NEK6: variants seen among roughly 807,000 people sequenced by gnomAD.
NEK6 encodes serine/threonine-protein kinase Nek6.
In NEK6, 27 loss-of-function variants were observed where a neutral mutation model predicts 43.5. The ratio of observed to expected loss-of-function variants is 0.62; its 90% CI spans 0.46 to 0.86. The LOEUF is 0.86. NEK6 is among the 40% of genes least tolerant of loss of function. The pLI is 0.00. For missense variants in NEK6, 318 were observed against 414.4 expected (o/e 0.77, Z 2.02); for synonymous variants, 167 against 164.1 (o/e 1.02, Z -0.14).
intron 1 of NEK6, among the ~76,000 whole-genome samples, chr9:124,298,334 C>A (rs1297586234): frequency 1.3e-5 from 2 of 152,256 alleles, no homozygotes; most frequent in Admixed American, 1.3e-4. Flanking sequence ...AACATCAACA[C>A]CTGCCGGCTC....
At chr9:124,320,871 C>T (rs550138939) in intron 4 of NEK6, among the ~76,000 whole-genome samples, 2 of 152,210 alleles carry the variant, frequency 1.3e-5, no homozygotes, top group East Asian at 1.9e-4. Context: ...GTGGGAGGAT[C>T]GCTTGAACCT....
chr9:124,313,835 C>T (rs1035962774), intron 3 of NEK6, 88 bp from the exon 4 acceptor site: 6 of 1,338,508 alleles, frequency 4.5e-6, no homozygotes, highest in African/African-American at 2.9e-5. Context: ...GTGGGAGAGC[C>T]GGGACTGGAA....
At chr9:124,280,595 G>T (rs574143645) in intron 1 of NEK6, among the ~76,000 whole-genome samples, 1 of 152,180 alleles carries the variant, frequency 6.6e-6, no homozygotes, top group Non-Finnish European at 1.5e-5. Flanking sequence ...TTCCAAGCAC[G>T]AGGTGACCAG....
Position 124,320,718 on chromosome 9 carries a change from G to A in NEK6, c.295-741G>A, listed in dbSNP as rs769342433. On this transcript the variant is annotated intron_variant, in intron 4 of 9. Transcript: ENST00000320246. Reference sequence around the variant, plus strand: ...GCTCCACTGCAGCAAACATGCAGGCGGTGGTGCGAAGGACAGAGGCAGCGT... The same window carrying A: ...GCTCCACTGCAGCAAACATGCAGGCAGTGGTGCGAAGGACAGAGGCAGCGT... Among the ~76,000 whole-genome samples, 10 of 152,218 alleles carry A rather than the reference G, an allele frequency of 6.6e-5. 1 individual carries two copies. The highest frequency in any genetic ancestry group is 2.0e-4 in the Admixed American group (3 of 15,278).
At chr9:124,292,926 G>A (rs1249102294) in intron 1 of NEK6, 1 of 1,544,664 alleles carries the variant, frequency 6.5e-7, no homozygotes, top group Admixed American at 2.0e-5. Context: ...AGTCCAGGAA[G>A]GCTGCCTGGA....
intron 1 of NEK6, among the ~76,000 whole-genome samples, chr9:124,294,080 C>G (rs1353139936): frequency 6.6e-6 from 1 of 152,228 alleles, no homozygotes; most frequent in Non-Finnish European, 1.5e-5. Flanking sequence ...AGTGCCAAGA[C>G]TATGGCTGGG....
chr9:124,258,899 GT>G (rs1830916796), intron 1 of NEK6, among the ~76,000 whole-genome samples: 1 of 152,270 alleles, frequency 6.6e-6, no homozygotes. Context: ...CCGAGGACGT[GT>G]GTTTTCCTAA....
intron 1 of NEK6, among the ~76,000 whole-genome samples, chr9:124,281,161 G>C (rs1312447004): frequency 6.6e-6 from 1 of 152,210 alleles, no homozygotes; most frequent in East Asian, 1.9e-4. Flanking sequence ...TGACTGGCCT[G>C]GGGGCCTCTT....
intron 1 of NEK6, among the ~76,000 whole-genome samples, chr9:124,279,044 C>A (rs1831774739): frequency 6.6e-6 from 1 of 152,054 alleles, no homozygotes; most frequent in African/African-American, 2.4e-5. Flanking sequence ...GGCGAAGTTT[C>A]CCAGCAAATA....
At chr9:124,337,297 C>T (rs1829345636) in intron 7 of NEK6, among the ~76,000 whole-genome samples, 2 of 152,332 alleles carry the variant, frequency 1.3e-5, no homozygotes, top group South Asian at 2.1e-4. Context: ...TTGGCGTTTC[C>T]TGCGGGGAGA....
At chr9:124,325,706 C>A (rs939738064) in intron 5 of NEK6, among the ~76,000 whole-genome samples, 2 of 152,244 alleles carry the variant, frequency 1.3e-5, no homozygotes, top group Non-Finnish European at 2.9e-5. Context: ...TGTTTTCTTC[C>A]TGGAGCACTA....
At chr9:124,293,243 CT>C in intron 1 of NEK6, among the ~76,000 whole-genome samples, 1 of 152,332 alleles carries the variant, frequency 6.6e-6, no homozygotes, top group Middle Eastern at 3.4e-3. Flanking sequence ...CATTTAACTT[CT>C]CTGCACCTCA....
At chr9:124,310,297 C>T (rs1833465096) in intron 2 of NEK6, among the ~76,000 whole-genome samples, 1 of 152,240 alleles carries the variant, frequency 6.6e-6, no homozygotes, top group South Asian at 2.1e-4. Flanking sequence ...GCGGTGTCTG[C>T]ACAGAGCCCA....
At chr9:124,285,750 G>T (rs940487011) in intron 1 of NEK6, among the ~76,000 whole-genome samples, 1 of 152,138 alleles carries the variant, frequency 6.6e-6, no homozygotes, top group African/African-American at 2.4e-5. Context: ...CGGGCCACCA[G>T]CAGTTAGGAG....
At chr9:124,284,882 C>T (rs1832084222) in intron 1 of NEK6, among the ~76,000 whole-genome samples, 2 of 152,320 alleles carry the variant, frequency 1.3e-5, no homozygotes, top group South Asian at 2.1e-4. Context: ...TTCAAATTTA[C>T]ACCACTCTGA....
At chr9:124,348,018 T>G (rs1830038644) in intron 9 of NEK6, among the ~76,000 whole-genome samples, 196 bp downstream of exon 9, 1 of 152,160 alleles carries the variant, frequency 6.6e-6, no homozygotes, top group South Asian at 2.1e-4. Context: ...ACCACGCAGC[T>G]CCAGTGTGGG....
chr9:124,315,154 T>C (rs1004802821), intron 4 of NEK6, among the ~76,000 whole-genome samples: 1 of 152,218 alleles, frequency 6.6e-6, no homozygotes, highest in African/African-American at 2.4e-5. Context: ...AGGAAGCAGA[T>C]GGTGACCTTC....
chr9:124,287,733 G>A (rs1344550802), intron 1 of NEK6, among the ~76,000 whole-genome samples: 2 of 152,110 alleles, frequency 1.3e-5, no homozygotes, highest in African/African-American at 4.8e-5. Context: ...GGTGAGGCAG[G>A]AGAATCTCTT....
chr9:124,302,017 G>T lies in NEK6; in HGVS notation c.53G>T (p.Cys18Phe). 1 of 1,605,816 alleles carries T rather than the reference G, an allele frequency of 6.2e-7. No individual in the cohort carries two copies. Among genetic ancestry groups the T allele is most frequent in the Non-Finnish European group, 8.5e-7 (1 of 1,176,144 alleles). ...CATGGAGGGAGTTCCAACAACCTCT[G>T]CCACACCCTGGGGCCTGTGCATCCT... is the stretch of plus-strand genomic sequence containing the variant. Reference protein sequence around the residue: ...MPHGGSSNNLCHTLGPVHPPD... With the variant: ...MPHGGSSNNLFHTLGPVHPPD... The change falls in exon 2 of 10, where the codon TGC (cysteine) becomes TTC (phenylalanine). Residue 18 changes from cysteine (C) to phenylalanine (F), a missense_variant. Transcript: ENST00000320246.
Sources: allele counts gnomAD v4.1 joint callset (sites outside exome capture counted in the v4.1 genomes callset), GRCh38; gene constraint gnomAD v4.1.1; transcripts MANE v1.5; gene names NCBI Gene and HGNC (gene_info 2026-07-23, HGNC 2026-07-21).